EYA1: variants seen among roughly 807,000 people sequenced by gnomAD.
EYA1 encodes the protein EYA transcriptional coactivator and phosphatase 1.
EYA1 carries 16 observed loss-of-function variants against 82.0 expected under a neutral mutation model. That is an observed-to-expected ratio of 0.20 (90% CI 0.13 to 0.30). The LOEUF is 0.30. EYA1 is among the 10% of genes least tolerant of loss of function. The probability of loss-of-function intolerance (pLI) is 1.00; values close to 1 mark genes in which losing one functional copy is unlikely to be tolerated. For synonymous variants in EYA1, 261 were observed against 264.4 expected (o/e 0.99, Z 0.12); for missense variants, 633 against 730.7 (o/e 0.87, Z 1.54).
At chr8:71,527,751 A>G (rs1416432147) in intron 2 of EYA1, among the ~76,000 whole-genome samples, 1 of 152,216 alleles carries the variant, frequency 6.6e-6, no homozygotes, top group African/African-American at 2.4e-5. Flanking sequence ...ACATGCATTA[A>G]CATTATCCTG....
chr8:71,343,380 GA>G (rs1362593652), intron 3 of EYA1, among the ~76,000 whole-genome samples: 4 of 152,160 alleles, frequency 2.6e-5, no homozygotes, highest in Admixed American at 6.6e-5. Flanking sequence ...AGTATTGAAA[GA>G]TGGGAACTTT....
chr8:71,231,510 T>G (rs2128881278), intron 12 of EYA1, among the ~76,000 whole-genome samples: 1 of 152,248 alleles, frequency 6.6e-6, no homozygotes, highest in South Asian at 2.1e-4. Context: ...CCTTGCCACC[T>G]CTCCCCAATC....
intron 2 of EYA1, among the ~76,000 whole-genome samples, chr8:71,506,150 G>A (rs1217508549): frequency 2.0e-5 from 3 of 152,012 alleles, no homozygotes; most frequent in Non-Finnish European, 4.4e-5. Context: ...TATAAAAATG[G>A]ACTAATACAA....
intron 17 of EYA1, among the ~76,000 whole-genome samples, chr8:71,207,449 T>C (rs555881516): frequency 1.8e-4 from 27 of 152,328 alleles, no homozygotes; most frequent in Non-Finnish European, 3.5e-4. Context: ...AATCGAGATA[T>C]TGTGAAAAAT....
rs911379363 is a variant in EYA1, at chr8:71,303,121, G to C, written c.557-3401C>G. ...CTCCTACTTCCTCCTGTCAAATCCAGGTTAACTTTGATTGCACTTCACAAT... is the reference window on the plus strand; with the variant it reads ...CTCCTACTTCCTCCTGTCAAATCCACGTTAACTTTGATTGCACTTCACAAT... On this transcript the variant is annotated intron_variant, in intron 7 of 17. Coordinates refer to ENST00000340726, the MANE Select transcript of EYA1 (RefSeq NM_000503.6). 1.4e-5 allele frequency among the ~76,000 whole-genome samples: 2 copies of C among 141,860 alleles called. 1 individual carries two copies. The highest frequency in any genetic ancestry group is 5.0e-5 in the African/African-American group (2 of 40,204). The allele number at this position is 141,860 out of a possible 152,430, so 93.1% of individuals were successfully genotyped here.
At chr8:71,220,982 G>A (rs79561985) in intron 12 of EYA1, among the ~76,000 whole-genome samples, 3,974 of 152,352 alleles carry the variant, frequency 0.026, 129 homozygotes, top group African/African-American at 0.076. Context: ...ATGGGGGAAA[G>A]AGAGAAGTTA....
intron 12 of EYA1, among the ~76,000 whole-genome samples, chr8:71,225,660 A>G (rs150117138): frequency 0.011 from 1,660 of 152,348 alleles, 17 homozygotes; most frequent in Non-Finnish European, 0.013. Flanking sequence ...TTAAATATCT[A>G]TATGTGTTAT....
chr8:71,481,061 A>C (rs778040295), intron 2 of EYA1, among the ~76,000 whole-genome samples: 7 of 152,182 alleles, frequency 4.6e-5, no homozygotes, highest in Non-Finnish European at 1.0e-4. Flanking sequence ...AGTTGTATAC[A>C]TATTAGAATA....
At chr8:71,532,554 A>G (rs1268290923) in intron 2 of EYA1, among the ~76,000 whole-genome samples, 1 of 152,244 alleles carries the variant, frequency 6.6e-6, no homozygotes, top group African/African-American at 2.4e-5. Flanking sequence ...TAATAATAGC[A>G]CATGTTGAGA....
chr8:71,328,717 C>T (rs539770220), intron 4 of EYA1, among the ~76,000 whole-genome samples: 2 of 152,196 alleles, frequency 1.3e-5, no homozygotes, highest in African/African-American at 4.8e-5. Context: ...ATGAATGACC[C>T]ACATCCTGGA....
intron 2 of EYA1, among the ~76,000 whole-genome samples, chr8:71,399,078 G>A (rs534069505): frequency 5.3e-5 from 8 of 152,342 alleles, no homozygotes; most frequent in South Asian, 4.1e-4. Flanking sequence ...CTCTGTGGGC[G>A]TGGGACCCTC....
In EYA1 at chr8:71,354,634, C is replaced by A. The variant is rs1043819742; in HGVS notation, c.124+148G>T. ...AACATGAAGCTCCTAACAATGAGTA[C>A]TGATTGGTAAGTCACATTATTACCT... On this transcript the variant is annotated intron_variant, in intron 3 of 17. Transcript: ENST00000340726. 8 of 782,670 alleles carry A rather than the reference C, an allele frequency of 1.0e-5. No individual in the cohort carries two copies. The Admixed American group carries it at 1.4e-4, about 13-fold the overall frequency. The allele number at this position is 782,670 out of a possible 1,614,324, so 48.5% of individuals were successfully genotyped here.
chr8:71,335,875 G>A (rs188207310), intron 3 of EYA1, among the ~76,000 whole-genome samples: 43 of 152,132 alleles, frequency 2.8e-4, no homozygotes, highest in African/African-American at 9.9e-4. Context: ...CTCTCTGCCA[G>A]ACAGATCACC....
chr8:71,345,176 T>C (rs1439770988), intron 3 of EYA1, among the ~76,000 whole-genome samples: 1 of 152,200 alleles, frequency 6.6e-6, no homozygotes, highest in Non-Finnish European at 1.5e-5. Context: ...TACCAGTAAG[T>C]GCACTTAATA....
intron 2 of EYA1, among the ~76,000 whole-genome samples, chr8:71,519,666 C>CAAAAAAAA (rs71956106): frequency 7.9e-6 from 1 of 126,168 alleles, no homozygotes; most frequent in Non-Finnish European, 1.7e-5. Flanking sequence ...TTGAAAATGG[C>CAAAAAAAA]AAAAAAAAAA....
At chr8:71,414,195 T>G (rs1461430348) in intron 2 of EYA1, among the ~76,000 whole-genome samples, 4 of 152,122 alleles carry the variant, frequency 2.6e-5, no homozygotes, top group Non-Finnish European at 5.9e-5. Flanking sequence ...GGGTGTGACC[T>G]CAGATGAGGC....
chr8:71,535,007 T>G (rs995360002), intron 2 of EYA1, among the ~76,000 whole-genome samples: 2 of 151,980 alleles, frequency 1.3e-5, no homozygotes, highest in Non-Finnish European at 2.9e-5. Flanking sequence ...TGTAAAGTCA[T>G]GGATGCTGCC....
intron 2 of EYA1, among the ~76,000 whole-genome samples, chr8:71,490,486 GA>G (rs1193734703): frequency 6.6e-6 from 1 of 152,084 alleles, no homozygotes; most frequent in Non-Finnish European, 1.5e-5. Context: ...AAAATAAGTA[GA>G]AAATTTGTTG....
chr8:71,461,899 T>C (rs1277846885), intron 2 of EYA1, among the ~76,000 whole-genome samples: 1 of 152,004 alleles, frequency 6.6e-6, no homozygotes, highest in Non-Finnish European at 1.5e-5. Flanking sequence ...CAACAAGTGT[T>C]CAGGTCGCAG....
Sources: gnomAD v4.1 joint callset for allele counts (sites outside exome capture counted in the v4.1 genomes callset) on GRCh38, gnomAD v4.1.1 for gene constraint, MANE v1.5 for transcripts, NCBI Gene and HGNC (gene_info 2026-07-23, HGNC 2026-07-21) for gene names.